ZNF536: variants seen among roughly 807,000 people sequenced by gnomAD.
ZNF536 encodes the protein zinc finger protein 536.
A neutral mutation model predicts 84.5 loss-of-function variants in ZNF536; 13 were observed. The observed-to-expected ratio is 0.15, with a 90% CI of 0.10 to 0.24. ZNF536 has a LOEUF of 0.24. ZNF536 is among the 10% of genes least tolerant of loss of function. ZNF536 has a pLI of 1.00. For missense variants in ZNF536, 1,536 were observed against 1,747.5 expected, an observed-to-expected ratio of 0.88 and a Z score of 2.16; for synonymous variants, 811 against 742.5, an observed-to-expected ratio of 1.09 and a Z score of -1.50.
At chr19:30,612,635 G>A (rs768653618) in intron 1 of ZNF536, among the ~76,000 whole-genome samples, 1 of 152,206 alleles carries the variant, frequency 6.6e-6, no homozygotes, top group East Asian at 1.9e-4. Context: ...GGACTTCCAG[G>A]AACATTTTTT....
At chr19:30,500,563 C>A (rs928042310) in intron 2 of ZNF536, among the ~76,000 whole-genome samples, 3 of 149,334 alleles carry the variant, frequency 2.0e-5, no homozygotes, top group Non-Finnish European at 4.4e-5. Context: ...GAATGTGGGT[C>A]TCACACAACC....
chr19:30,497,980 G>A (rs927433574), intron 2 of ZNF536, among the ~76,000 whole-genome samples: 7 of 152,144 alleles, frequency 4.6e-5, no homozygotes, highest in Admixed American at 2.0e-4. Context: ...TGCATCACTG[G>A]AGAAATCGCA....
chr19:30,482,840 G>T (rs2054143911), intron 2 of ZNF536, among the ~76,000 whole-genome samples: 1 of 152,118 alleles, frequency 6.6e-6, no homozygotes. Context: ...TGTGTTTGCA[G>T]GGGACCCTCT....
intron 1 of ZNF536, among the ~76,000 whole-genome samples, chr19:30,580,277 C>T (rs1349047367): frequency 6.6e-6 from 1 of 152,156 alleles, no homozygotes; most frequent in Non-Finnish European, 1.5e-5. Flanking sequence ...CTTATGCTTT[C>T]TGGTTTGTGC....
intron 1 of ZNF536, among the ~76,000 whole-genome samples, chr19:30,655,836 C>T (rs760219165): frequency 1.6e-4 from 25 of 151,974 alleles, no homozygotes; most frequent in Admixed American, 3.3e-4. Context: ...CCTAGGAGTT[C>T]GAGACTAGCC....
At chr19:30,271,318 T>C (rs2025837471) in intron 1 of ZNF536, among the ~76,000 whole-genome samples, 3 of 133,000 alleles carry the variant, frequency 2.3e-5, no homozygotes, top group African/African-American at 5.5e-5. Flanking sequence ...TTTTTTTTTT[T>C]TGCTAAAGCA....
At chr19:30,409,908 G>T (rs1365272807) in intron 1 of ZNF536, among the ~76,000 whole-genome samples, 6 of 151,926 alleles carry the variant, frequency 3.9e-5, no homozygotes, top group African/African-American at 1.5e-4. Flanking sequence ...ATGCCTCTAA[G>T]TCCCTTTGGT....
rs559334408 is a variant in ZNF536 at position 30,542,559 on chromosome 19, A to G, written c.2324-5384A>G. On this transcript the variant is annotated intron_variant, in intron 3 of 4. Transcript: ENST00000355537. The stretch of plus-strand genomic sequence containing the variant: ...CTTTTCTAGCAAAACTCTTCTTTCT[A>G]GAAATTCATTGTTTGGGCCCACATC... Among the ~76,000 whole-genome samples the G allele has an allele frequency of 2.2e-4, 34 of 152,266 alleles. 1 individual carries two copies. In the South Asian group the frequency reaches 6.6e-3, roughly 30 times the overall value.
intron 1 of ZNF536, among the ~76,000 whole-genome samples, chr19:30,708,467 G>A (rs747665288): frequency 4.6e-5 from 7 of 152,228 alleles, no homozygotes; most frequent in Non-Finnish European, 8.8e-5. Flanking sequence ...GGCCATGAAA[G>A]ATCTGGGGCA....
At chr19:30,651,735 A>C (rs1216205343) in intron 1 of ZNF536, among the ~76,000 whole-genome samples, 2 of 152,200 alleles carry the variant, frequency 1.3e-5, no homozygotes, top group Non-Finnish European at 2.9e-5. Context: ...GAGCCTGCTA[A>C]GTACAGCATT....
intron 1 of ZNF536, among the ~76,000 whole-genome samples, chr19:30,378,576 G>A (rs1170932929): frequency 6.6e-6 from 1 of 152,202 alleles, no homozygotes; most frequent in African/African-American, 2.4e-5. Flanking sequence ...GGGGTGGTTT[G>A]GCTCCATCTG....
At chr19:30,554,414 C>A (rs2045896589) in intron 4 of ZNF536, 1 of 151,916 alleles carries the variant, frequency 6.6e-6, no homozygotes, top group South Asian at 2.1e-4. Flanking sequence ...CGCCACCACA[C>A]CTGGCTAATT....
chr19:30,457,047 A>AC lies in ZNF536; in HGVS notation c.2170+11315_2170+11316insC, dbSNP rs1279216607. On this transcript the variant is annotated intron_variant, in intron 2 of 4. Transcript: ENST00000355537. ...ACAGAGCAAGACTTCATCTCAAAAAAAAAAAAAAACAAAAAAAAAGATGAA... is the reference window on the plus strand; with the variant it reads ...ACAGAGCAAGACTTCATCTCAAAAAACAAAAAAAAACAAAAAAAAAGATGAA... Among the ~76,000 whole-genome samples the AC allele has an allele frequency of 4.0e-3, 600 of 151,380 alleles. 5 individuals carry two copies. Among genetic ancestry groups the AC allele is most frequent in the African/African-American group, 0.014 (579 of 41,012 alleles).
chr19:30,640,191 G>A (rs1387338272), intron 1 of ZNF536, among the ~76,000 whole-genome samples: 1 of 151,728 alleles, frequency 6.6e-6, no homozygotes, highest in African/African-American at 2.4e-5. Context: ...AGGTTGCAGT[G>A]AGCCAAGATC....
At chr19:30,254,675 G>C (rs1289518948) in intron 1 of ZNF536, among the ~76,000 whole-genome samples, 1 of 152,090 alleles carries the variant, frequency 6.6e-6, no homozygotes, top group African/African-American at 2.4e-5. Context: ...TAGCTAACTA[G>C]GAGTCGGTAG....
At chr19:30,320,288 A>T (rs944882702) in intron 2 of ZNF536, among the ~76,000 whole-genome samples, 1 of 152,236 alleles carries the variant, frequency 6.6e-6, no homozygotes, top group Non-Finnish European at 1.5e-5. Flanking sequence ...TCGTATAGAA[A>T]TGTTAATCAT....
chr19:30,596,804 A>T (rs2047481154), intron 1 of ZNF536, among the ~76,000 whole-genome samples: 1 of 151,882 alleles, frequency 6.6e-6, no homozygotes, highest in Admixed American at 6.6e-5. Context: ...CACATAGGTT[A>T]GATGAGGCTG....
intron 4 of ZNF536, among the ~76,000 whole-genome samples, chr19:30,553,338 G>A (rs1458502117): frequency 6.6e-6 from 1 of 152,226 alleles, no homozygotes; most frequent in South Asian, 2.1e-4. Context: ...ACCAAGGCTG[G>A]TCTGCACAGC....
intron 1 of ZNF536, among the ~76,000 whole-genome samples, chr19:30,652,556 A>C (rs2049748854): frequency 6.6e-6 from 1 of 152,132 alleles, no homozygotes; most frequent in Non-Finnish European, 1.5e-5. Context: ...AGGCATTTCC[A>C]CCGTCATCCT....
Sources: gnomAD v4.1 joint callset for allele counts (sites outside exome capture counted in the v4.1 genomes callset) on GRCh38, gnomAD v4.1.1 for gene constraint, MANE v1.5 for transcripts, NCBI Gene and HGNC (gene_info 2026-07-23, HGNC 2026-07-21) for gene names.